The following STRBP variants were observed in gnomAD, a reference collection of about 807,000 sequenced individuals.
STRBP encodes the protein spermatid perinuclear RNA binding protein.
STRBP carries 13 observed loss-of-function variants against 80.1 expected under a neutral mutation model. The observed-to-expected ratio is 0.16, with a 90% CI of 0.11 to 0.26. STRBP has a LOEUF of 0.26. STRBP is among the 10% of genes least tolerant of loss of function. The probability of loss-of-function intolerance (pLI) is 1.00; values close to 1 mark genes in which losing one functional copy is unlikely to be tolerated. For missense variants in STRBP, 485 were observed against 815.2 expected (o/e 0.59, Z 4.93); for synonymous variants, 284 against 291.2 (o/e 0.98, Z 0.25).
At chr9:123,132,588 C>A (rs1371506520) in intron 17 of STRBP, among the ~76,000 whole-genome samples, 2 of 152,192 alleles carry the variant, frequency 1.3e-5, no homozygotes, top group African/African-American at 2.4e-5. Context: ...TCCTTTAATT[C>A]CTTGTCAAAA....
chr9:123,264,875 A>C (rs1286577773), intron 1 of STRBP, among the ~76,000 whole-genome samples: 1 of 152,212 alleles, frequency 6.6e-6, no homozygotes, highest in African/African-American at 2.4e-5. Flanking sequence ...CAAGTCAATA[A>C]AATGAACACA....
rs200352516 is a variant in STRBP, at chr9:123,246,629, T to C, written c.-301-9663A>G. On this transcript the variant is annotated intron_variant, in intron 1 of 18. Coordinates refer to ENST00000348403, the MANE Select transcript of STRBP (RefSeq NM_018387.5). ...ATAACATAACAGAATTTGACAGTTGTGTATTGCTTAAAACATTAAAGTGAT... is the reference window on the plus strand; with the variant it reads ...ATAACATAACAGAATTTGACAGTTGCGTATTGCTTAAAACATTAAAGTGAT... Among the ~76,000 whole-genome samples, 4 of 152,332 alleles carry C rather than the reference T, an allele frequency of 2.6e-5. No individual in the cohort carries two copies. In the East Asian group the frequency reaches 5.8e-4, roughly 22 times the overall value.
At chr9:123,189,135 A>G (rs2038820270) in intron 2 of STRBP, among the ~76,000 whole-genome samples, 1 of 152,106 alleles carries the variant, frequency 6.6e-6, no homozygotes, top group Non-Finnish European at 1.5e-5. Flanking sequence ...AGCCATAAAA[A>G]ATGATGAGCT....
At chr9:123,246,638 T>C (rs1240808358) in intron 1 of STRBP, among the ~76,000 whole-genome samples, 1 of 152,208 alleles carries the variant, frequency 6.6e-6, no homozygotes, top group Admixed American at 6.5e-5. Flanking sequence ...GTGTATTGCT[T>C]AAAACATTAA....
At chr9:123,249,529 C>T (rs537318495) in intron 1 of STRBP, among the ~76,000 whole-genome samples, 3 of 148,262 alleles carry the variant, frequency 2.0e-5, no homozygotes, top group South Asian at 4.3e-4. Flanking sequence ...CAGTCCCAGA[C>T]ACCAAGGAGG....
At chr9:123,239,448 C>A (rs1299230844) in intron 1 of STRBP, among the ~76,000 whole-genome samples, 1 of 152,032 alleles carries the variant, frequency 6.6e-6, no homozygotes, top group Non-Finnish European at 1.5e-5. Context: ...TTTTCCTGGG[C>A]CACATTTAGA....
intron 2 of STRBP, among the ~76,000 whole-genome samples, chr9:123,190,940 A>T (rs2038901651): frequency 6.6e-6 from 1 of 152,208 alleles, no homozygotes; most frequent in African/African-American, 2.4e-5. Flanking sequence ...AGAACCAAAA[A>T]TTCAATGCAT....
intron 1 of STRBP, among the ~76,000 whole-genome samples, chr9:123,258,825 C>T (rs947170763): frequency 6.0e-5 from 9 of 148,936 alleles, no homozygotes; most frequent in African/African-American, 1.7e-4. Context: ...AAAAAGAATC[C>T]GTAAGAAGAC....
intron 1 of STRBP, among the ~76,000 whole-genome samples, chr9:123,248,165 T>C (rs2040836242): frequency 6.6e-6 from 1 of 151,694 alleles, no homozygotes; most frequent in African/African-American, 2.4e-5. Flanking sequence ...TAAATGCAAA[T>C]AACATAATAC....
chr9:123,265,858 A>G (rs1481472167), intron 1 of STRBP, among the ~76,000 whole-genome samples: 1 of 152,254 alleles, frequency 6.6e-6, no homozygotes, highest in African/African-American at 2.4e-5. Flanking sequence ...AAAGTCAACA[A>G]TCCAGATCAG....
chr9:123,177,920 A>G (rs1056708141), intron 4 of STRBP, among the ~76,000 whole-genome samples: 1 of 152,218 alleles, frequency 6.6e-6, no homozygotes, highest in African/African-American at 2.4e-5. Context: ...AAATAATTAG[A>G]TAACATTACT....
intron 2 of STRBP, among the ~76,000 whole-genome samples, chr9:123,201,636 T>C (rs1331743218): frequency 6.6e-6 from 1 of 152,194 alleles, no homozygotes; most frequent in Non-Finnish European, 1.5e-5. Context: ...AATTTCGATT[T>C]TTTAAAATTT....
At chr9:123,212,362 T>C (rs996984921) in intron 2 of STRBP, among the ~76,000 whole-genome samples, 4 of 152,206 alleles carry the variant, frequency 2.6e-5, no homozygotes, top group Non-Finnish European at 5.9e-5. Flanking sequence ...GATTTTCATA[T>C]GTAAAATGGA....
At position 123,157,848 on chromosome 9, in the gene STRBP, T is replaced by C. The variant is rs148075373; in HGVS notation, c.1045+164A>G. ...ACGGGAACTACAATTCAACATGAGA[T>C]TTGGATGGGGACACAGCCAACCTAT... On this transcript the variant is annotated intron_variant, in intron 11 of 18. Transcript: ENST00000348403. Among the ~76,000 whole-genome samples the C allele has an allele frequency of 2.5e-3, 382 of 151,850 alleles. 1 individual carries two copies. The highest frequency in any genetic ancestry group is 5.3e-3 in the Admixed American group (81 of 15,242).
At position 123,115,260 on chromosome 9, in the gene STRBP, C is replaced by G. The variant is rs1361352021; in HGVS notation, c.*84+669G>C. On this transcript the variant is annotated intron_variant and NMD_transcript_variant, in intron 3 of 3. Coordinates refer to the STRBP transcript ENST00000471564. The surrounding 1 kb of genome is among the most constrained non-coding windows in gnomAD (Gnocchi z 5.0). ...CTCCCCTCCTGGGGATCCCGTCTGG[C>G]TCAGTGGGAAGCCTATCGCTCTTGG... The G allele has an allele frequency of 2.1e-6, 1 of 471,230 alleles. No individual in the cohort carries two copies. The highest frequency in any genetic ancestry group is 2.3e-5 in the Admixed American group (1 of 42,600). 29.2% of individuals were successfully genotyped at this position (471,230 alleles called of 1,614,324 possible).
chr9:123,130,820 C>T (rs2036104584), intron 17 of STRBP, among the ~76,000 whole-genome samples: 1 of 152,008 alleles, frequency 6.6e-6, no homozygotes, highest in Non-Finnish European at 1.5e-5. Flanking sequence ...TGAAACATCA[C>T]TCTTCTTTCT....
intron 2 of STRBP, among the ~76,000 whole-genome samples, chr9:123,216,412 C>A (rs2039899537): frequency 6.6e-6 from 1 of 152,188 alleles, no homozygotes; most frequent in African/African-American, 2.4e-5. Flanking sequence ...ATTATAATTC[C>A]TGGTACTTCA....
intron 11 of STRBP, among the ~76,000 whole-genome samples, chr9:123,155,570 A>G (rs1470006229): frequency 1.3e-5 from 2 of 152,208 alleles, no homozygotes. Context: ...AGGAGGATGA[A>G]GGACTATGCA....
intron 2 of STRBP, among the ~76,000 whole-genome samples, chr9:123,217,893 T>G (rs893517864): frequency 1.3e-5 from 2 of 152,366 alleles, no homozygotes; most frequent in South Asian, 2.1e-4. Flanking sequence ...CATTTCTAGC[T>G]TGTCAGTCCA....
Sources: gnomAD v4.1 joint callset for allele counts (sites outside exome capture counted in the v4.1 genomes callset) on GRCh38, gnomAD v4.1.1 for gene constraint, Gnocchi (gnomAD v3.1) non-coding constraint, MANE v1.5 for transcripts, NCBI Gene and HGNC (gene_info 2026-07-23, HGNC 2026-07-21) for gene names.